ARB2A: variants seen among roughly 807,000 people sequenced by gnomAD.
The protein encoded by ARB2A is ARB2 cotranscriptional regulator A.
chr5:93,921,947 C>G, the ARB2A span, among the ~76,000 whole-genome samples: 1 of 152,270 alleles, frequency 6.6e-6, no homozygotes, highest in East Asian at 1.9e-4. Flanking sequence ...GAGTTCAACA[C>G]TGAAGATGTC....
the ARB2A span, among the ~76,000 whole-genome samples, chr5:94,099,624 C>CAAAAAA: frequency 7.3e-5 from 1 of 13,652 alleles, no homozygotes; most frequent in Non-Finnish European, 1.8e-4. Context: ...GACTCCGTCT[C>CAAAAAA]AAAAAAAAAA....
At chr5:93,950,826 C>A in the ARB2A span, among the ~76,000 whole-genome samples, 4 of 151,692 alleles carry the variant, frequency 2.6e-5, no homozygotes, top group African/African-American at 9.7e-5. Flanking sequence ...TGCCTGTAAT[C>A]CCAGCTACTC....
chr5:93,832,865 ACAC>A, the ARB2A span, among the ~76,000 whole-genome samples: 4 of 152,188 alleles, frequency 2.6e-5, no homozygotes, highest in Non-Finnish European at 4.4e-5. Context: ...TCAACCTAAC[ACAC>A]CACTATATCA....
chr5:93,902,034 G>A, the ARB2A span, among the ~76,000 whole-genome samples: 1 of 151,956 alleles, frequency 6.6e-6, no homozygotes, highest in East Asian at 1.9e-4. Context: ...TGATGGAAAG[G>A]AAAAATGGCA....
chr5:93,795,136 G>C, the ARB2A span, among the ~76,000 whole-genome samples: 27 of 152,182 alleles, frequency 1.8e-4, no homozygotes, highest in African/African-American at 6.3e-4. Context: ...CAGCTGCTAT[G>C]GGGGGTGGGG....
chr5:93,910,390 T>C, the ARB2A span, among the ~76,000 whole-genome samples: 1 of 151,158 alleles, frequency 6.6e-6, no homozygotes, highest in Non-Finnish European at 1.5e-5. Context: ...CAGTAACATA[T>C]GTCCTTTTAC....
chr5:93,782,249 T>C, the ARB2A span, among the ~76,000 whole-genome samples: 3 of 152,306 alleles, frequency 2.0e-5, no homozygotes, highest in East Asian at 1.9e-4. Context: ...CATTTCTTTA[T>C]ATAGTACCAT....
the ARB2A span, among the ~76,000 whole-genome samples, chr5:93,973,840 A>G: frequency 1.3e-5 from 2 of 152,234 alleles, no homozygotes; most frequent in Non-Finnish European, 2.9e-5. Flanking sequence ...AGAGAAATAC[A>G]GTTGTTCCCA....
the ARB2A span, among the ~76,000 whole-genome samples, chr5:94,001,643 G>A: frequency 6.6e-6 from 1 of 151,934 alleles, no homozygotes; most frequent in Non-Finnish European, 1.5e-5. Context: ...CAGTGCTTTT[G>A]ATTTCTAACT....
the ARB2A span, among the ~76,000 whole-genome samples, chr5:93,832,135 G>A: frequency 2.0e-5 from 3 of 152,114 alleles, no homozygotes; most frequent in African/African-American, 4.8e-5. Context: ...TTTTTAGTGG[G>A]AGCCTTGCAG....
chr5:93,644,066 A>G, the ARB2A span, among the ~76,000 whole-genome samples: 2 of 152,206 alleles, frequency 1.3e-5, no homozygotes, highest in Non-Finnish European at 2.9e-5. Context: ...AAGTAAGAAT[A>G]TAAGTGCCAT....
At chr5:93,903,493 C>A in the ARB2A span, among the ~76,000 whole-genome samples, 1 of 151,912 alleles carries the variant, frequency 6.6e-6, no homozygotes, top group Admixed American at 6.6e-5. Context: ...ATTATACATA[C>A]TCTCACAAAC....
At chr5:93,972,339 T>C in the ARB2A span, among the ~76,000 whole-genome samples, 231 of 152,062 alleles carry the variant, frequency 1.5e-3, 1 homozygote, top group Non-Finnish European at 2.1e-3. Flanking sequence ...GAAACCTATA[T>C]AGAGCCTTGG....
chr5:93,712,222 C>T, the ARB2A span, among the ~76,000 whole-genome samples: 1 of 151,894 alleles, frequency 6.6e-6, no homozygotes, highest in Admixed American at 6.6e-5. Context: ...TAGGAGCTGA[C>T]CTAAAATAAA....
the ARB2A span, among the ~76,000 whole-genome samples, chr5:93,772,406 T>C: frequency 1.1e-4 from 16 of 151,974 alleles, no homozygotes; most frequent in African/African-American, 3.4e-4. Flanking sequence ...TGTATACATA[T>C]GTAACTAATC....
At chr5:93,949,147 CTT>C in the ARB2A span, among the ~76,000 whole-genome samples, 3 of 152,072 alleles carry the variant, frequency 2.0e-5, no homozygotes, top group African/African-American at 4.8e-5. Context: ...TTAGGAAATC[CTT>C]TTCTTTTTCT....
chr5:93,675,544 AT>A, the ARB2A span, among the ~76,000 whole-genome samples: 4 of 152,284 alleles, frequency 2.6e-5, no homozygotes, highest in African/African-American at 9.6e-5. Context: ...TCAGCCCCTC[AT>A]TTTTGGTTTC....
the ARB2A span, among the ~76,000 whole-genome samples, chr5:93,947,238 T>C: frequency 6.6e-6 from 1 of 152,162 alleles, no homozygotes; most frequent in Non-Finnish European, 1.5e-5. Flanking sequence ...AAGGTTTCAT[T>C]GGTCCAGAAT....
the ARB2A span, among the ~76,000 whole-genome samples, chr5:93,772,078 T>C: frequency 6.6e-6 from 1 of 152,160 alleles, no homozygotes; most frequent in Non-Finnish European, 1.5e-5. Context: ...AATGATAGAC[T>C]GGATTAAGAA....
Sources: allele counts gnomAD v4.1 joint callset (sites outside exome capture counted in the v4.1 genomes callset), GRCh38; gene constraint gnomAD v4.1.1; transcripts MANE v1.5; gene names NCBI Gene and HGNC (gene_info 2026-07-23, HGNC 2026-07-21).